Variants in ENPP6 observed in about 807,000 individuals in gnomAD.
The protein encoded by ENPP6 is glycerophosphocholine cholinephosphodiesterase ENPP6.
In ENPP6, 32 loss-of-function variants were observed where a neutral mutation model predicts 42.0. The observed-to-expected ratio is 0.76, with a 90% CI of 0.58 to 1.02. The LOEUF (loss-of-function observed/expected upper bound fraction) is 1.02. ENPP6 is among the 50% of genes least tolerant of loss of function. ENPP6 has a pLI of 0.00. For missense variants in ENPP6, 552 were observed against 566.8 expected, an observed-to-expected ratio of 0.97 and a Z score of 0.27; for synonymous variants, 213 against 216.0, an observed-to-expected ratio of 0.99 and a Z score of 0.12.
chr4:184,105,692 T>A (rs1736076402), intron 6 of ENPP6, among the ~76,000 whole-genome samples: 1 of 152,248 alleles, frequency 6.6e-6, no homozygotes, highest in Non-Finnish European at 1.5e-5. Flanking sequence ...AATCCCCATA[T>A]TTTTATTATC....
intron 2 of ENPP6, among the ~76,000 whole-genome samples, chr4:184,131,193 CTTTCTTTCT>C (rs1560987247): frequency 1.8e-5 from 1 of 55,372 alleles, no homozygotes; most frequent in Non-Finnish European, 3.9e-5. Flanking sequence ...TTCTTTCTTT[CTTTCTTTCT>C]TCTTTCTTTC....
rs140275578 is a variant in ENPP6, at chr4:184,131,796, A to AACACACACAC, written c.422-7534_422-7525dup. Among the ~76,000 whole-genome samples, 868 of 140,606 alleles carry AACACACACAC rather than the reference A, an allele frequency of 6.2e-3. 6 individuals carry two copies. The highest frequency in any genetic ancestry group is 0.013 in the African/African-American group (471 of 36,822). The allele number at this position is 140,606 out of a possible 152,430, so 92.2% of individuals were successfully genotyped here. A position where few individuals can be genotyped will look rare whatever the true frequency, so the allele number is the denominator to read the frequency against. ...TCTGTAGAGAAACAAGGACCAATAG[A>AACACACACAC]ACACACACACACACACACACACACA... On this transcript the variant is annotated intron_variant, in intron 2 of 7. Coordinates refer to ENST00000296741, the MANE Select transcript of ENPP6 (RefSeq NM_153343.4).
intron 4 of ENPP6, among the ~76,000 whole-genome samples, 174 bp from the exon 5 acceptor site, chr4:184,117,209 G>T (rs759252915): frequency 2.6e-5 from 4 of 152,128 alleles, no homozygotes; most frequent in Admixed American, 1.3e-4. Flanking sequence ...AGCCCTTTGC[G>T]GAGGGGACTG....
chr4:184,153,316 G>T (rs1737089355), intron 2 of ENPP6, among the ~76,000 whole-genome samples: 1 of 151,916 alleles, frequency 6.6e-6, no homozygotes, highest in Non-Finnish European at 1.5e-5. Context: ...TAGAGACAGG[G>T]TTTCCCCATG....
At chr4:184,095,217 G>A (rs1416122350) in intron 7 of ENPP6, among the ~76,000 whole-genome samples, 1 of 152,140 alleles carries the variant, frequency 6.6e-6, no homozygotes, top group East Asian at 1.9e-4. Flanking sequence ...TAAAAGACTG[G>A]GCGCTTTTAG....
chr4:184,210,741 T>C (rs1211110682), intron 1 of ENPP6, among the ~76,000 whole-genome samples: 358 of 150,866 alleles, frequency 2.4e-3, no homozygotes, highest in African/African-American at 8.5e-3. Context: ...GCGGACCTAA[T>C]AGACATCTAC....
intron 1 of ENPP6, among the ~76,000 whole-genome samples, chr4:184,177,559 C>T (rs1001012232): frequency 2.0e-5 from 3 of 152,190 alleles, no homozygotes; most frequent in Admixed American, 6.5e-5. Context: ...GACTCCTGAG[C>T]GGTTGAGACC....
Position 184,091,316 on chromosome 4 carries a change from A to C in ENPP6, c.1184T>G (p.Val395Gly). The C allele has an allele frequency of 6.2e-7, 1 of 1,614,152 alleles. No individual in the cohort carries two copies. The highest frequency in any genetic ancestry group is 1.3e-5 in the African/African-American group (1 of 75,062). ...GTTGGGCAGCGGGGTGATGCCCACC[A>C]CATTGCACATGACATTGTAGACGTC... ...SVDVYNVMCN[V>G]VGITPLPNNG... is the part of the protein sequence containing the mutation. The change falls in exon 8 of 8, where the codon GTG (valine) becomes GGG (glycine). Residue 395 changes from valine to glycine, a missense_variant. Val to Gly is a moderately radical substitution (Grantham distance 109, BLOSUM62 -3). Around this residue, in one of 2 missense-constraint regions of ENPP6, gnomAD observed 545 missense variants for 546.3 expected, o/e 1.00. Transcript: ENST00000296741.
At chr4:184,165,399 C>G (rs1176992624) in intron 1 of ENPP6, among the ~76,000 whole-genome samples, 1 of 152,212 alleles carries the variant, frequency 6.6e-6, no homozygotes, top group South Asian at 2.1e-4. Context: ...CAGTCCCAAC[C>G]AGGTCTCTGA....
At chr4:184,209,273 C>G (rs1432467607) in intron 1 of ENPP6, among the ~76,000 whole-genome samples, 1 of 149,590 alleles carries the variant, frequency 6.7e-6, no homozygotes, top group Non-Finnish European at 1.5e-5. Flanking sequence ...AGGCTTCAGA[C>G]GATCAAATTA....
In ENPP6 at chr4:184,090,719, C is replaced by G. The variant is rs1347347823; in HGVS notation, c.*458G>C. The G allele has an allele frequency of 9.8e-6, 3 of 307,080 alleles. No individual in the cohort carries two copies. The highest frequency in any genetic ancestry group is 1.8e-5 in the Non-Finnish European group (3 of 168,044). 19.0% of individuals were successfully genotyped at this position (307,080 alleles called of 1,614,324 possible). Reference sequence around the variant, plus strand: ...CTCCTTTTATCAGGGATGGAAGGAACAGTACAGGATTGTGGCCACAGACAC... The same window carrying G: ...CTCCTTTTATCAGGGATGGAAGGAAGAGTACAGGATTGTGGCCACAGACAC... On this transcript the variant is annotated 3_prime_UTR_variant, in exon 8 of 8. Coordinates refer to ENST00000296741, the MANE Select transcript of ENPP6 (RefSeq NM_153343.4).
At chr4:184,176,408 C>T (rs750148424) in intron 1 of ENPP6, among the ~76,000 whole-genome samples, 13 of 152,144 alleles carry the variant, frequency 8.5e-5, no homozygotes, top group African/African-American at 2.7e-4. Flanking sequence ...CAGATGGAAA[C>T]GGTGAGAAGT....
intron 1 of ENPP6, among the ~76,000 whole-genome samples, chr4:184,193,216 C>T (rs79160305): frequency 0.022 from 3,409 of 152,262 alleles, 130 homozygotes; most frequent in African/African-American, 0.079. Context: ...TCACAATGGC[C>T]ACAAAGTGGA....
At chr4:184,202,963 A>C (rs1732927970) in intron 1 of ENPP6, among the ~76,000 whole-genome samples, 1 of 152,092 alleles carries the variant, frequency 6.6e-6, no homozygotes, top group South Asian at 2.1e-4. Context: ...ATTAACACTC[A>C]CTGGACACAA....
chr4:184,176,134 C>T (rs573580656), intron 1 of ENPP6, among the ~76,000 whole-genome samples: 2 of 152,122 alleles, frequency 1.3e-5, no homozygotes, highest in Admixed American at 1.3e-4. Context: ...TGCCACTGAA[C>T]GGAGAGTTGG....
intron 6 of ENPP6, among the ~76,000 whole-genome samples, chr4:184,100,111 A>G (rs1034111889): frequency 2.1e-4 from 32 of 152,342 alleles, no homozygotes; most frequent in African/African-American, 7.2e-4. Context: ...AAATCCACTC[A>G]TTTTTATTAA....
At chr4:184,146,404 T>G (rs1351211531) in intron 2 of ENPP6, among the ~76,000 whole-genome samples, 1 of 148,874 alleles carries the variant, frequency 6.7e-6, no homozygotes, top group Non-Finnish European at 1.5e-5. Flanking sequence ...CACTCCAGCC[T>G]GGGCTCCAGA....
intron 1 of ENPP6, among the ~76,000 whole-genome samples, chr4:184,154,280 C>G (rs1431160323): frequency 6.6e-6 from 1 of 152,192 alleles, no homozygotes; most frequent in East Asian, 1.9e-4. Flanking sequence ...AGGAAAACAA[C>G]CCTTCAAATG....
chr4:184,212,141 G>A (rs1311057948), intron 1 of ENPP6, among the ~76,000 whole-genome samples: 51 of 150,676 alleles, frequency 3.4e-4, no homozygotes, highest in African/African-American at 1.1e-3. Flanking sequence ...CATACTGAAT[G>A]GGCAAAAACT....
Sources: allele counts gnomAD v4.1 joint callset (sites outside exome capture counted in the v4.1 genomes callset), GRCh38; gene constraint gnomAD v4.1.1; regional missense constraint gnomAD v4.1.1; transcripts MANE v1.5; gene names NCBI Gene and HGNC (gene_info 2026-07-23, HGNC 2026-07-21).